Variants in TNNI3K observed in about 807,000 individuals in gnomAD.
The protein encoded by TNNI3K is serine/threonine-protein kinase TNNI3K.
A neutral mutation model predicts 114.5 loss-of-function variants in TNNI3K; 140 were observed. The ratio of observed to expected loss-of-function variants is 1.22; its 90% CI spans 1.07 to 1.41. TNNI3K has a LOEUF of 1.41. Ranked by LOEUF, TNNI3K falls within the 40% of genes most tolerant of loss-of-function variation. The pLI, the probability that TNNI3K is intolerant of heterozygous loss-of-function variation, is 0.00. For synonymous variants in TNNI3K, 347 were observed against 347.5 expected, an observed-to-expected ratio of 1.00 and a Z score of 0.02; for missense variants, 1,125 against 1,007.6, an observed-to-expected ratio of 1.12 and a Z score of -1.58.
At chr1:74,400,319 T>C (rs1374102780) in intron 17 of TNNI3K, among the ~76,000 whole-genome samples, 1 of 152,140 alleles carries the variant, frequency 6.6e-6, no homozygotes, top group African/African-American at 2.4e-5. Context: ...CACCATACAA[T>C]GACCCTAAGA....
At chr1:74,378,614 ATATATATATATAT>A (rs1335506097) in intron 17 of TNNI3K, 2 of 72,552 alleles carry the variant, frequency 2.8e-5, no homozygotes, top group African/African-American at 5.9e-5. Context: ...ATATATATAT[ATATATATATATAT>A]ATATATATAT....
chr1:74,321,209 A>G (rs533946196), intron 5 of TNNI3K, among the ~76,000 whole-genome samples: 8 of 152,202 alleles, frequency 5.3e-5, no homozygotes, highest in Admixed American at 3.9e-4. Flanking sequence ...ATGATGGGGG[A>G]AAAATGTATA....
intron 23 of TNNI3K, among the ~76,000 whole-genome samples, chr1:74,501,524 T>C (rs1669631635): frequency 1.3e-5 from 2 of 151,612 alleles, no homozygotes; most frequent in South Asian, 4.2e-4. Context: ...ACTGGCTCTG[T>C]CACCCAGGCT....
chr1:74,404,484 G>C (rs1272421677), intron 17 of TNNI3K, among the ~76,000 whole-genome samples: 1 of 152,008 alleles, frequency 6.6e-6, no homozygotes, highest in Non-Finnish European at 1.5e-5. Context: ...AATTCTCTTG[G>C]CCTATGACAG....
At chr1:74,393,620 A>C (rs941712993) in intron 17 of TNNI3K, among the ~76,000 whole-genome samples, 14 of 152,108 alleles carry the variant, frequency 9.2e-5, no homozygotes, top group African/African-American at 3.1e-4. Context: ...CAAAATTGCT[A>C]TTTTGACTTT....
chr1:74,408,199 G>A (rs1397197041), intron 17 of TNNI3K, among the ~76,000 whole-genome samples: 1 of 152,146 alleles, frequency 6.6e-6, no homozygotes, highest in Non-Finnish European at 1.5e-5. Flanking sequence ...TACAGTGCAT[G>A]GGTAGGACAT....
chr1:74,312,373 C>T (rs2100355005), intron 5 of TNNI3K, among the ~76,000 whole-genome samples: 1 of 152,242 alleles, frequency 6.6e-6, no homozygotes, highest in South Asian at 2.1e-4. Context: ...GGGTCCAGGG[C>T]AATGCTTTTG....
In TNNI3K at chr1:74,492,139, C is replaced by T. The variant is rs1557603727; in HGVS notation, c.2224C>T (p.Pro742Ser). 1 of 1,611,948 alleles carries T rather than the reference C, an allele frequency of 6.2e-7. No homozygotes were observed. Among genetic ancestry groups the T allele is most frequent in the African/African-American group, 1.3e-5 (1 of 74,998 alleles). Reference protein sequence around the residue: ...ASSNSSGSLSPSSSSDCLVNR... With the variant: ...ASSNSSGSLSSSSSSDCLVNR... ...AAGTAACAGCAGTGGGTCTCTCTCA[C>T]CTTCTTCTTCTTCTGATTGCCTGGT... The change falls in exon 23 of 25, where the codon CCT (proline) becomes TCT (serine). Residue 742 changes from proline to serine, a missense_variant. Transcript: ENST00000326637.
intron 5 of TNNI3K, among the ~76,000 whole-genome samples, chr1:74,294,968 ATTAT>A (rs1230224757): frequency 6.6e-6 from 1 of 151,662 alleles, no homozygotes; most frequent in Non-Finnish European, 1.5e-5. Context: ...GAATTATTAG[ATTAT>A]TTATTTTCAT....
intron 17 of TNNI3K, among the ~76,000 whole-genome samples, chr1:74,410,004 A>G (rs1664807140): frequency 6.6e-6 from 1 of 152,174 alleles, no homozygotes; most frequent in Non-Finnish European, 1.5e-5. Flanking sequence ...AAATAGTTTA[A>G]CCCCTGATCT....
rs142245054 is a variant in TNNI3K, at chr1:74,353,557, G to A, written c.1027+197G>A. On this transcript the variant is annotated intron_variant, in intron 10 of 24. Coordinates refer to ENST00000326637, the MANE Select transcript of TNNI3K (RefSeq NM_015978.3). ...TGACTTTTTGGTCAATTTTATTATT[G>A]TGTTAAATTATTTGCAGTCAGTGCA... Among the ~76,000 whole-genome samples, 680 of 151,328 alleles carry A rather than the reference G, an allele frequency of 4.5e-3. 5 individuals carry two copies. The highest frequency in any genetic ancestry group is 7.7e-3 in the Non-Finnish European group (525 of 67,928).
intron 4 of TNNI3K, among the ~76,000 whole-genome samples, chr1:74,251,380 T>G (rs1173218055): frequency 1.5e-5 from 2 of 131,260 alleles, no homozygotes; most frequent in Non-Finnish European, 3.2e-5. Context: ...AATTATATTA[T>G]GCATTGATCA....
chr1:74,364,231 C>T (rs1322031017), intron 11 of TNNI3K, among the ~76,000 whole-genome samples: 1 of 151,706 alleles, frequency 6.6e-6, no homozygotes, highest in Non-Finnish European at 1.5e-5. Flanking sequence ...TCTTCAACTC[C>T]TGGCCTCAAA....
intron 21 of TNNI3K, chr1:74,469,307 A>T (rs1570660140): frequency 6.5e-6 from 1 of 152,720 alleles, no homozygotes. Context: ...CTTCTACTTA[A>T]ATCTGGGATG....
chr1:74,459,790 C>T (rs1480436929), intron 20 of TNNI3K, among the ~76,000 whole-genome samples: 1 of 152,054 alleles, frequency 6.6e-6, no homozygotes, highest in Non-Finnish European at 1.5e-5. Context: ...CTTTTCTTTT[C>T]TTGATAAAGT....
intron 17 of TNNI3K, among the ~76,000 whole-genome samples, chr1:74,419,486 T>C (rs951994421): frequency 6.6e-6 from 1 of 152,106 alleles, no homozygotes; most frequent in African/African-American, 2.4e-5. Context: ...GGTGTTTTCT[T>C]TGAAAGATCA....
chr1:74,476,322 A>G (rs1668203558), intron 21 of TNNI3K, among the ~76,000 whole-genome samples: 1 of 152,124 alleles, frequency 6.6e-6, no homozygotes, highest in Admixed American at 6.6e-5. Flanking sequence ...GACAAATGGC[A>G]TCCTCAACCA....
At chr1:74,424,220 T>C (rs1016294835) in intron 17 of TNNI3K, among the ~76,000 whole-genome samples, 3 of 152,214 alleles carry the variant, frequency 2.0e-5, no homozygotes, top group African/African-American at 4.8e-5. Flanking sequence ...AAACAAGCTT[T>C]GGTTGAAAAG....
At chr1:74,481,425 A>G (rs1388693957) in intron 21 of TNNI3K, among the ~76,000 whole-genome samples, 2 of 152,194 alleles carry the variant, frequency 1.3e-5, no homozygotes, top group East Asian at 3.9e-4. Context: ...TGTGAAGTCA[A>G]TCATCTTTTC....
Sources: allele counts gnomAD v4.1 joint callset (sites outside exome capture counted in the v4.1 genomes callset), GRCh38; gene constraint gnomAD v4.1.1; transcripts MANE v1.5; gene names NCBI Gene and HGNC (gene_info 2026-07-23, HGNC 2026-07-21).